MIPOL1: variants seen among roughly 807,000 people sequenced by gnomAD.
The protein encoded by MIPOL1 is mirror-image polydactyly 1.
A neutral mutation model predicts 60.9 loss-of-function variants in MIPOL1; 57 were observed. That is an observed-to-expected ratio of 0.94 (90% CI 0.76 to 1.17). The LOEUF is 1.17. MIPOL1 is among the 50% of genes most tolerant of loss of function. MIPOL1 has a pLI of 0.00. For synonymous variants in MIPOL1, 179 were observed against 168.8 expected, an observed-to-expected ratio of 1.06 and a Z score of -0.47; for missense variants, 551 against 511.6, an observed-to-expected ratio of 1.08 and a Z score of -0.74.
intron 7 of MIPOL1, among the ~76,000 whole-genome samples, chr14:37,294,642 C>G (rs182148183): frequency 6.6e-6 from 1 of 152,006 alleles, no homozygotes; most frequent in Admixed American, 6.6e-5. Context: ...AACAATGGCA[C>G]GAGAACTACG....
chr14:37,217,706 C>G (rs1188300832), intron 1 of MIPOL1, among the ~76,000 whole-genome samples: 1 of 152,136 alleles, frequency 6.6e-6, no homozygotes, highest in Non-Finnish European at 1.5e-5. Flanking sequence ...TTGGTAAAAA[C>G]CCTCACAAAG....
intron 11 of MIPOL1, among the ~76,000 whole-genome samples, chr14:37,427,884 A>G (rs1398716803): frequency 6.6e-6 from 1 of 152,222 alleles, no homozygotes; most frequent in African/African-American, 2.4e-5. Context: ...AGAGGAAATG[A>G]AAAGGTTCCA....
intron 12 of MIPOL1, among the ~76,000 whole-genome samples, chr14:37,518,276 A>G (rs2095385981): frequency 6.6e-6 from 1 of 152,244 alleles, no homozygotes; most frequent in South Asian, 2.1e-4. Context: ...ACCATAAAAT[A>G]AATGGAATTA....
chr14:37,471,044 A>G (rs1164332746), intron 11 of MIPOL1, among the ~76,000 whole-genome samples: 1 of 152,184 alleles, frequency 6.6e-6, no homozygotes, highest in Non-Finnish European at 1.5e-5. Flanking sequence ...ATTCACCACT[A>G]CACAATGTAT....
intron 9 of MIPOL1, 40 bp from the exon 10 acceptor site, chr14:37,369,477 T>C (rs2092578804): frequency 6.8e-7 from 1 of 1,461,808 alleles, no homozygotes; most frequent in Non-Finnish European, 9.6e-7. Context: ...AAAAAAATGC[T>C]ATAACTCCTT....
intron 1 of MIPOL1, among the ~76,000 whole-genome samples, chr14:37,214,371 CTTGT>C (rs1324538134): frequency 2.0e-5 from 3 of 151,998 alleles, no homozygotes; most frequent in Non-Finnish European, 4.4e-5. Flanking sequence ...TTTCTTTTTG[CTTGT>C]TTGTTAATGA....
intron 10 of MIPOL1, among the ~76,000 whole-genome samples, chr14:37,383,131 T>C (rs991817512): frequency 7.2e-5 from 11 of 151,846 alleles, no homozygotes; most frequent in African/African-American, 2.4e-4. Flanking sequence ...ATGGCATTTA[T>C]ATTATCTTTT....
chr14:37,303,141 C>A (rs1227803416), intron 7 of MIPOL1, among the ~76,000 whole-genome samples: 1 of 151,764 alleles, frequency 6.6e-6, no homozygotes, highest in Non-Finnish European at 1.5e-5. Flanking sequence ...CAAAAGACAA[C>A]AAATCAATTT....
chr14:37,445,520 G>A (rs2153569977), intron 11 of MIPOL1, among the ~76,000 whole-genome samples: 1 of 151,330 alleles, frequency 6.6e-6, no homozygotes, highest in African/African-American at 2.4e-5. Context: ...TAGATTCAAT[G>A]CCATCCCCAT....
intron 12 of MIPOL1, chr14:37,503,083 GAAAC>G (rs1027952700): frequency 1.3e-5 from 2 of 152,114 alleles, no homozygotes; most frequent in African/African-American, 2.4e-5. Flanking sequence ...AAAGTAAAAA[GAAAC>G]AAACAAAGCC....
At chr14:37,211,193 C>G (rs183245085) in intron 1 of MIPOL1, among the ~76,000 whole-genome samples, 4 of 140,534 alleles carry the variant, frequency 2.8e-5, no homozygotes, top group Non-Finnish European at 6.2e-5. Context: ...CCCACCCCCC[C>G]ACCCCCCAGA....
intron 12 of MIPOL1, among the ~76,000 whole-genome samples, chr14:37,509,423 C>A (rs1403267943): frequency 6.6e-6 from 1 of 151,756 alleles, no homozygotes; most frequent in African/African-American, 2.4e-5. Flanking sequence ...ACCATAGTGT[C>A]ACACAGGGTT....
intron 10 of MIPOL1, among the ~76,000 whole-genome samples, chr14:37,411,294 A>G (rs1299819754): frequency 2.0e-5 from 3 of 152,138 alleles, no homozygotes; most frequent in African/African-American, 7.2e-5. Context: ...TACACAACAC[A>G]TGATTTCTTT....
chr14:37,420,111 A>G (rs551608319), intron 10 of MIPOL1, among the ~76,000 whole-genome samples: 1 of 151,964 alleles, frequency 6.6e-6, no homozygotes, highest in African/African-American at 2.4e-5. Context: ...AAAAAAAAGC[A>G]AGGTGTGTAT....
At chr14:37,349,936 G>A (rs1320933276) in intron 9 of MIPOL1, among the ~76,000 whole-genome samples, 1 of 152,056 alleles carries the variant, frequency 6.6e-6, no homozygotes, top group East Asian at 1.9e-4. Flanking sequence ...AAAGAATGGT[G>A]ATATTTAAGC....
chr14:37,218,766 G>GT (rs893721329), intron 1 of MIPOL1, among the ~76,000 whole-genome samples: 1 of 151,234 alleles, frequency 6.6e-6, no homozygotes, highest in Non-Finnish European at 1.5e-5. Flanking sequence ...AAGAGACTCC[G>GT]TCTCTATAAA....
rs189366520 is a variant in MIPOL1, at chr14:37,463,460, C to T, written c.1032-36448C>T. 2.4e-3 allele frequency among the ~76,000 whole-genome samples: 360 copies of T among 152,156 alleles called. 3 individuals carry two copies. The highest frequency in any genetic ancestry group is 8.1e-3 in the African/African-American group (336 of 41,510). ...AGAACCCAAAAATAAAGCTGCATGC[C>T]TACAACCAACTGATCTTTGACGGAG... On this transcript the variant is annotated intron_variant, in intron 11 of 12. Transcript: ENST00000684589.
intron 6 of MIPOL1, among the ~76,000 whole-genome samples, chr14:37,280,054 T>C (rs1320786673): frequency 2.0e-5 from 3 of 152,198 alleles, no homozygotes; most frequent in Non-Finnish European, 1.5e-5. Flanking sequence ...CTCTCTGTGC[T>C]TGGCTTATTT....
At chr14:37,305,502 A>G (rs73256042) in intron 7 of MIPOL1, among the ~76,000 whole-genome samples, 11,663 of 151,870 alleles carry the variant, frequency 0.077, 1,528 homozygotes, top group African/African-American at 0.27. Flanking sequence ...AAGAGAGCCT[A>G]TGGTAAAGCC....
Sources: allele counts gnomAD v4.1 joint callset (sites outside exome capture counted in the v4.1 genomes callset), GRCh38; gene constraint gnomAD v4.1.1; transcripts MANE v1.5; gene names NCBI Gene and HGNC (gene_info 2026-07-23, HGNC 2026-07-21).